The following CMIP variants were observed in gnomAD, a reference collection of about 807,000 sequenced individuals.
CMIP encodes the protein C-Maf-inducing protein.
Under a neutral mutation model 97.3 loss-of-function variants are expected in CMIP, and 13 were observed. The observed-to-expected ratio is 0.13, with a 90% CI of 0.09 to 0.21. The LOEUF (loss-of-function observed/expected upper bound fraction) is 0.21. CMIP is among the 10% of genes least tolerant of loss of function. The pLI is 1.00. For synonymous variants in CMIP, 538 were observed against 436.3 expected (o/e 1.23, Z -2.91); for missense variants, 847 against 1,024.9 (o/e 0.83, Z 2.37).
At chr16:81,583,849 C>T (rs180793941) in intron 1 of CMIP, among the ~76,000 whole-genome samples, 20 of 152,224 alleles carry the variant, frequency 1.3e-4, no homozygotes, top group African/African-American at 4.1e-4. Context: ...AGTCACTGAG[C>T]AGAGGAACAA....
intron 1 of CMIP, chr16:81,475,933 G>C (rs1246213359): frequency 4.8e-6 from 2 of 414,532 alleles, no homozygotes; most frequent in African/African-American, 4.2e-5. Flanking sequence ...CTTGCAGTGA[G>C]CTGAGATTGC....
In CMIP at chr16:81,539,287, C is replaced by T. The variant is rs1361505117; in HGVS notation, c.301-68280C>T. Among the ~76,000 whole-genome samples the T allele has an allele frequency of 2.0e-5, 3 of 152,132 alleles. No homozygotes were observed. In the East Asian group the frequency reaches 5.8e-4, roughly 29 times the overall value. The stretch of plus-strand genomic sequence containing the variant: ...CAGCCCGGCAGTCTGAAGGTTTGAG[C>T]GGAATGGTGAGAAGGTTCTAACCAG... On this transcript the variant is annotated intron_variant, in intron 1 of 20. Transcript: ENST00000537098.
chr16:81,445,179 G>C lies in CMIP; in HGVS notation c.-63G>C. On this transcript the variant is annotated 5_prime_UTR_variant, in exon 1 of 21. Coordinates refer to ENST00000537098, the MANE Select transcript of CMIP (RefSeq NM_198390.3). ...GCGGGCCGCCGGATCCGGGGGCCCC[G>C]CCGCCCCAGCAGCCCAGGACAGCCC... 8.9e-7 allele frequency: 1 copy of C among 1,120,768 alleles called. No homozygotes were observed. The highest frequency in any genetic ancestry group is 1.2e-6 in the Non-Finnish European group (1 of 858,920). The allele number at this position is 1,120,768 out of a possible 1,614,324, so 69.4% of individuals were successfully genotyped here.
At chr16:81,599,406 A>G (rs1285666099) in intron 1 of CMIP, among the ~76,000 whole-genome samples, 1 of 152,140 alleles carries the variant, frequency 6.6e-6, no homozygotes, top group Non-Finnish European at 1.5e-5. Flanking sequence ...AGAACATGAA[A>G]TATTTTGACG....
intron 1 of CMIP, among the ~76,000 whole-genome samples, chr16:81,555,460 G>A (rs928721119): frequency 6.6e-6 from 1 of 152,172 alleles, no homozygotes; most frequent in African/African-American, 2.4e-5. Flanking sequence ...AAGCACACCT[G>A]CCCAGGTAAC....
chr16:81,646,403 G>A (rs2092365314), intron 3 of CMIP, among the ~76,000 whole-genome samples: 2 of 152,128 alleles, frequency 1.3e-5, no homozygotes, highest in Admixed American at 6.6e-5. Context: ...AAGCCTATAC[G>A]CTTCGCCACT....
intron 3 of CMIP, among the ~76,000 whole-genome samples, chr16:81,636,580 CAAAAA>C (rs200195305): frequency 6.6e-5 from 7 of 106,664 alleles, no homozygotes; most frequent in South Asian, 3.1e-4. Context: ...AACTTCGTCT[CAAAAA>C]AAAAAAAAAA....
intron 4 of CMIP, among the ~76,000 whole-genome samples, chr16:81,653,035 C>T (rs756869033): frequency 3.3e-5 from 5 of 152,154 alleles, no homozygotes; most frequent in Non-Finnish European, 7.4e-5. Context: ...CGAGTCTGTC[C>T]CGCTGTTGGT....
intron 3 of CMIP, among the ~76,000 whole-genome samples, chr16:81,638,804 C>T (rs2092268491): frequency 6.6e-6 from 1 of 152,020 alleles, no homozygotes; most frequent in African/African-American, 2.4e-5. Flanking sequence ...AGCCTGAGAG[C>T]AGGGAATCCA....
intron 1 of CMIP, among the ~76,000 whole-genome samples, chr16:81,571,303 C>T (rs888894034): frequency 6.6e-6 from 1 of 152,012 alleles, no homozygotes; most frequent in African/African-American, 2.4e-5. Flanking sequence ...GACCCTGTCT[C>T]TAGCAAAACT....
rs1298015810 is a variant in CMIP, at chr16:81,510,592, C to T, written c.300+65051C>T. On this transcript the variant is annotated intron_variant, in intron 1 of 20. Coordinates refer to ENST00000537098, the MANE Select transcript of CMIP (RefSeq NM_198390.3). ...GATTTAAGTCCTGGAGGTGCGATTC[C>T]AGGTCTTTTCAAAATTACACTTCAC... Among the ~76,000 whole-genome samples the T allele has an allele frequency of 9.9e-5, 15 of 152,258 alleles. No homozygotes were observed. In the South Asian group the frequency reaches 3.1e-3, roughly 32 times the overall value.
chr16:81,502,523 G>T (rs1210792171), intron 1 of CMIP, among the ~76,000 whole-genome samples: 2 of 152,092 alleles, frequency 1.3e-5, no homozygotes, highest in African/African-American at 2.4e-5. Flanking sequence ...TAACTCATTC[G>T]CTCAGCGATC....
intron 1 of CMIP, among the ~76,000 whole-genome samples, chr16:81,466,965 T>C (rs1042938920): frequency 6.6e-6 from 1 of 152,232 alleles, no homozygotes; most frequent in Non-Finnish European, 1.5e-5. Context: ...TTGGGCCAGT[T>C]CTTCTGGTTA....
intron 1 of CMIP, among the ~76,000 whole-genome samples, chr16:81,593,091 C>T (rs2091490924): frequency 6.6e-6 from 1 of 152,112 alleles, no homozygotes; most frequent in African/African-American, 2.4e-5. Flanking sequence ...ATTATTAAAC[C>T]TTGAGCCATG....
At chr16:81,476,302 G>C in intron 1 of CMIP, 2 of 1,552,432 alleles carry the variant, frequency 1.3e-6, no homozygotes, top group Non-Finnish European at 1.8e-6. Context: ...CTTGCCACCA[G>C]TGCCATTACG....
At chr16:81,480,678 A>T (rs1240209365) in intron 1 of CMIP, among the ~76,000 whole-genome samples, 2 of 152,216 alleles carry the variant, frequency 1.3e-5, no homozygotes, top group African/African-American at 4.8e-5. Flanking sequence ...AAAATAATTA[A>T]AAACTATCTA....
chr16:81,585,060 G>A (rs920044110), intron 1 of CMIP, among the ~76,000 whole-genome samples: 1 of 152,194 alleles, frequency 6.6e-6, no homozygotes, highest in African/African-American at 2.4e-5. Flanking sequence ...TGTACAGTTC[G>A]GCCAGGCATG....
In CMIP at chr16:81,485,712, G is replaced by T. The variant is rs185528962; in HGVS notation, c.300+40171G>T. Among the ~76,000 whole-genome samples, 491 of 152,340 alleles carry T rather than the reference G, an allele frequency of 3.2e-3. 2 individuals are homozygous for T. Among genetic ancestry groups the T allele is most frequent in the African/African-American group, 0.011 (478 of 41,572 alleles). On this transcript the variant is annotated intron_variant, in intron 1 of 20. Transcript: ENST00000537098. ...CCAGATCCTTTTTTGAGAATTTTAG[G>T]TGTTATTTAGTTATGTGAGTACAAT...
intron 9 of CMIP, among the ~76,000 whole-genome samples, chr16:81,674,962 AAAAGAAAGAAAG>A (rs143904062): frequency 6.6e-6 from 1 of 151,980 alleles, no homozygotes; most frequent in Non-Finnish European, 1.5e-5. Flanking sequence ...TCAATTTAAA[AAAAGAAAGAAAG>A]AAAGAAAGAA....
Sources: gnomAD v4.1 joint callset for allele counts (sites outside exome capture counted in the v4.1 genomes callset) on GRCh38, gnomAD v4.1.1 for gene constraint, MANE v1.5 for transcripts, NCBI Gene and HGNC (gene_info 2026-07-23, HGNC 2026-07-21) for gene names.